HTR1F: variants seen among roughly 807,000 people sequenced by gnomAD.
The protein encoded by HTR1F is 5-hydroxytryptamine (serotonin) receptor 1F, G protein-coupled.
In HTR1F, 17 loss-of-function variants were observed where a neutral mutation model predicts 24.0. The observed-to-expected ratio is 0.71, with a 90% CI of 0.48 to 1.06. The LOEUF is 1.06. Ranked by LOEUF, HTR1F falls within the 50% of genes least tolerant of loss-of-function variation. HTR1F has a pLI of 0.00. For synonymous variants in HTR1F, 186 were observed against 156.8 expected, an observed-to-expected ratio of 1.19 and a Z score of -1.39; for missense variants, 391 against 427.8, an observed-to-expected ratio of 0.91 and a Z score of 0.76.
chr3:87,813,466 A>C (rs553093462), intron 1 of HTR1F, among the ~76,000 whole-genome samples: 1 of 152,194 alleles, frequency 6.6e-6, no homozygotes, highest in Non-Finnish European at 1.5e-5. Context: ...TAGGTAGAAG[A>C]GACTTGCCTT....
chr3:87,901,300 G>A (rs1706315114), intron 2 of HTR1F, among the ~76,000 whole-genome samples: 2 of 152,100 alleles, frequency 1.3e-5, no homozygotes, highest in Admixed American at 1.3e-4. Context: ...TTGAACTCAT[G>A]AGATTGGGCC....
intron 2 of HTR1F, among the ~76,000 whole-genome samples, chr3:87,966,442 T>C (rs892141738): frequency 6.6e-6 from 1 of 152,182 alleles, no homozygotes; most frequent in African/African-American, 2.4e-5. Context: ...AAGAAGAAAA[T>C]TGATGGCTAA....
intron 1 of HTR1F, among the ~76,000 whole-genome samples, chr3:87,807,785 G>A (rs1190794622): frequency 4.0e-5 from 6 of 151,834 alleles, no homozygotes; most frequent in Admixed American, 2.0e-4. Context: ...TTATGTTGAA[G>A]TATGTTCCTC....
chr3:87,971,310 G>A (rs1310648025), intron 2 of HTR1F, among the ~76,000 whole-genome samples: 1 of 152,130 alleles, frequency 6.6e-6, no homozygotes, highest in African/African-American at 2.4e-5. Flanking sequence ...ACTCACACCT[G>A]TAATCCTAGC....
At chr3:87,848,233 T>C (rs937386116) in intron 2 of HTR1F, among the ~76,000 whole-genome samples, 2 of 151,906 alleles carry the variant, frequency 1.3e-5, no homozygotes, top group Admixed American at 6.6e-5. Context: ...TGATAGCTCA[T>C]TGCGGTTTTG....
chr3:87,881,612 G>A (rs1391832843), intron 2 of HTR1F, among the ~76,000 whole-genome samples: 3 of 152,158 alleles, frequency 2.0e-5, no homozygotes, highest in Non-Finnish European at 4.4e-5. Flanking sequence ...AATGGGGAAA[G>A]GATTCCCTAT....
intron 2 of HTR1F, among the ~76,000 whole-genome samples, chr3:87,933,112 A>G (rs1224637766): frequency 3.3e-5 from 5 of 151,682 alleles, no homozygotes; most frequent in African/African-American, 1.2e-4. Flanking sequence ...CCACATGATT[A>G]TCTCAATAGA....
chr3:87,864,158 A>T (rs2107236181), intron 2 of HTR1F, among the ~76,000 whole-genome samples: 1 of 152,280 alleles, frequency 6.6e-6, no homozygotes, highest in South Asian at 2.1e-4. Flanking sequence ...GGGTCAAATG[A>T]TTAGCAACCT....
intron 2 of HTR1F, among the ~76,000 whole-genome samples, chr3:87,913,588 C>A (rs1453401888): frequency 6.6e-6 from 1 of 151,984 alleles, no homozygotes; most frequent in African/African-American, 2.4e-5. Flanking sequence ...GGATATATAC[C>A]CAAAGAAATA....
intron 2 of HTR1F, among the ~76,000 whole-genome samples, chr3:87,985,174 A>C (rs1705635512): frequency 6.6e-6 from 1 of 152,080 alleles, no homozygotes; most frequent in South Asian, 2.1e-4. Flanking sequence ...CCTCTCTACT[A>C]AAAATACAAA....
intron 2 of HTR1F, among the ~76,000 whole-genome samples, chr3:87,860,792 TAGTA>T (rs1338782455): frequency 6.6e-6 from 1 of 152,178 alleles, no homozygotes; most frequent in Non-Finnish European, 1.5e-5. Flanking sequence ...GACTCATTGT[TAGTA>T]AGTGAGAAGT....
chr3:87,982,735 T>A (rs1378771451), intron 2 of HTR1F, among the ~76,000 whole-genome samples: 1 of 152,196 alleles, frequency 6.6e-6, no homozygotes, highest in Non-Finnish European at 1.5e-5. Flanking sequence ...ATAACATTTG[T>A]CTGGGTGAAT....
intron 2 of HTR1F, among the ~76,000 whole-genome samples, chr3:87,937,648 G>A (rs1704457063): frequency 6.6e-6 from 1 of 152,084 alleles, no homozygotes; most frequent in Non-Finnish European, 1.5e-5. Flanking sequence ...ATAGGGCCAG[G>A]CGCAGTGGCT....
intron 2 of HTR1F, among the ~76,000 whole-genome samples, chr3:87,886,221 C>T (rs2107293539): frequency 6.6e-6 from 1 of 152,264 alleles, no homozygotes; most frequent in Non-Finnish European, 1.5e-5. Context: ...ATCACATAAA[C>T]AGAACCAAGG....
At chr3:87,888,912 G>C (rs1706017422) in intron 2 of HTR1F, among the ~76,000 whole-genome samples, 1 of 152,188 alleles carries the variant, frequency 6.6e-6, no homozygotes, top group Non-Finnish European at 1.5e-5. Flanking sequence ...TTGGATGTTT[G>C]TCTCTTCCAA....
chr3:87,939,396 G>C (rs113668726), intron 2 of HTR1F, among the ~76,000 whole-genome samples: 8,860 of 152,302 alleles, frequency 0.058, 353 homozygotes, highest in South Asian at 0.094. Flanking sequence ...CATAAAATGA[G>C]TTAGGGAGGA....
At chr3:87,978,303 T>C (rs1186676200) in intron 2 of HTR1F, among the ~76,000 whole-genome samples, 3 of 152,162 alleles carry the variant, frequency 2.0e-5, no homozygotes, top group Non-Finnish European at 4.4e-5. Flanking sequence ...TTCCTTCTCA[T>C]CACCCACAAC....
At chr3:87,938,219 TACAGCTAACTAGGGAGGTGAAAG>T (rs1704475978) in intron 2 of HTR1F, among the ~76,000 whole-genome samples, 1 of 152,158 alleles carries the variant, frequency 6.6e-6, no homozygotes, top group African/African-American at 2.4e-5. Context: ...TACCTAGGAA[TACAGCTAACTAGGGAGGTGAAAG>T]ATCTCTATCT....
chr3:87,884,526 A>G (rs1705888952), intron 2 of HTR1F, among the ~76,000 whole-genome samples: 1 of 152,194 alleles, frequency 6.6e-6, no homozygotes, highest in Non-Finnish European at 1.5e-5. Context: ...AAATGGGCTA[A>G]ATGCCTCAAT....
Sources: allele counts gnomAD v4.1 joint callset (sites outside exome capture counted in the v4.1 genomes callset), GRCh38; gene constraint gnomAD v4.1.1; transcripts MANE v1.5; gene names NCBI Gene and HGNC (gene_info 2026-07-23, HGNC 2026-07-21).